The following PLEKHB2 variants were observed in gnomAD, a reference collection of about 807,000 sequenced individuals.
PLEKHB2 encodes pleckstrin homology domain-containing family B member 2.
PLEKHB2 carries 31 observed loss-of-function variants against 36.5 expected under a neutral mutation model. The observed-to-expected ratio is 0.85, with a 90% CI of 0.64 to 1.15. The LOEUF (loss-of-function observed/expected upper bound fraction) is 1.15. Among genes scored for constraint, PLEKHB2 ranks in the 50% most tolerant of loss-of-function variants. The pLI is 0.00. For synonymous variants in PLEKHB2, 119 were observed against 112.0 expected, an observed-to-expected ratio of 1.06 and a Z score of -0.39; for missense variants, 262 against 295.3, an observed-to-expected ratio of 0.89 and a Z score of 0.83.
In PLEKHB2 at chr2:131,130,769, C is replaced by G. The variant is rs368996623; in HGVS notation, c.333+9C>G. The G allele has an allele frequency of 1.2e-6, 2 of 1,603,094 alleles. No homozygotes were observed. The highest frequency in any genetic ancestry group is 1.7e-6 in the Non-Finnish European group (2 of 1,170,790). ...ATTCTAGGACAAACACAGTAAGTTG[C>G]TAATGGCAATCACCAATAATTTTTT... On this transcript the variant is annotated intron_variant, in intron 5 of 7. Coordinates refer to ENST00000693505, the MANE Select transcript of PLEKHB2 (RefSeq NM_001100623.2).
At chr2:131,116,693 CA>C (rs1695917398) in intron 1 of PLEKHB2, among the ~76,000 whole-genome samples, 1 of 152,154 alleles carries the variant, frequency 6.6e-6, no homozygotes, top group African/African-American at 2.4e-5. Flanking sequence ...ATTACAATTC[CA>C]CATGAGATTT....
intron 6 of PLEKHB2, 122 bp downstream of exon 6, chr2:131,133,113 T>A: frequency 1.5e-6 from 1 of 651,628 alleles, no homozygotes; most frequent in Non-Finnish European, 2.8e-6. Flanking sequence ...TTAAAACAGA[T>A]GATTTCTTAT....
intron 5 of PLEKHB2, among the ~76,000 whole-genome samples, chr2:131,132,450 G>A (rs577711759): frequency 6.6e-6 from 1 of 152,226 alleles, no homozygotes; most frequent in South Asian, 2.1e-4. Context: ...GGGGCCATAA[G>A]CACCATGCCC....
chr2:131,127,266 C>T (rs1166931576), intron 4 of PLEKHB2, among the ~76,000 whole-genome samples: 1 of 152,174 alleles, frequency 6.6e-6, no homozygotes, highest in Non-Finnish European at 1.5e-5. Context: ...AGGATCCTTT[C>T]TTGCCTCTTC....
At chr2:131,111,736 TCTC>T (rs1695355914) in intron 1 of PLEKHB2, among the ~76,000 whole-genome samples, 1 of 151,940 alleles carries the variant, frequency 6.6e-6, no homozygotes, top group Non-Finnish European at 1.5e-5. Context: ...AGTGATCTAC[TCTC>T]CTCGGCCTCC....
intron 1 of PLEKHB2, 70 bp from the exon 2 acceptor site, chr2:131,120,864 A>G (rs749160759): frequency 6.8e-7 from 1 of 1,474,428 alleles, no homozygotes; most frequent in South Asian, 1.1e-5. Flanking sequence ...GGATAAGGAT[A>G]GAGACTCGGG....
rs754827488 is a variant in PLEKHB2, at chr2:131,125,844, C to T, written c.129C>T (p.Ile43=). 13 of 1,613,348 alleles carry T rather than the reference C, an allele frequency of 8.1e-6. No homozygotes were observed. Among genetic ancestry groups the T allele is most frequent in the South Asian group, 4.4e-5 (4 of 91,054 alleles). ...IYYDDQTRQN[I]EDKVHMPMDC... is the part of the protein sequence containing the mutation. ...ATGATGACCAGACTCGGCAGAATAT[C>T]GAGGATAAGGTCCACATGCCAATGG... Residue 43 remains isoleucine (I), a synonymous_variant, in exon 3 of 8, where the codon ATC becomes ATT. Coordinates refer to ENST00000693505, the MANE Select transcript of PLEKHB2 (RefSeq NM_001100623.2).
In PLEKHB2 at chr2:131,136,985, C is replaced by T. The variant is rs774890226; in HGVS notation, c.424-3182C>T. On this transcript the variant is annotated intron_variant, in intron 6 of 7. Transcript: ENST00000693505. ...TTTTGAGACGGAGTCTCACTCTTGT[C>T]GCCCAGGCTGGAGTGCAGTGGCGTG... Among the ~76,000 whole-genome samples the T allele has an allele frequency of 7.6e-4, 107 of 140,716 alleles. 1 individual carries two copies. The highest frequency in any genetic ancestry group is 1.4e-3 in the Admixed American group (19 of 13,330). 92.3% of individuals were successfully genotyped at this position (140,716 alleles called of 152,430 possible).
intron 7 of PLEKHB2, among the ~76,000 whole-genome samples, chr2:131,141,946 TAA>T (rs1410162736): frequency 6.6e-6 from 1 of 152,208 alleles, no homozygotes; most frequent in Non-Finnish European, 1.5e-5. Context: ...TAAAGACAAG[TAA>T]AATAATTACC....
At chr2:131,127,707 A>G (rs1242109583) in intron 4 of PLEKHB2, among the ~76,000 whole-genome samples, 1 of 152,246 alleles carries the variant, frequency 6.6e-6, no homozygotes, top group African/African-American at 2.4e-5. Flanking sequence ...GAAATAGATG[A>G]TTCTACTGAG....
chr2:131,139,534 CTG>C (rs1698579071), intron 6 of PLEKHB2, among the ~76,000 whole-genome samples: 3 of 152,220 alleles, frequency 2.0e-5, no homozygotes, highest in African/African-American at 7.2e-5. Context: ...TCCTCTCAAC[CTG>C]TGAGTATGCA....
chr2:131,122,108 T>C (rs1696582964), intron 2 of PLEKHB2, among the ~76,000 whole-genome samples: 1 of 152,062 alleles, frequency 6.6e-6, no homozygotes, highest in Admixed American at 6.6e-5. Flanking sequence ...ATGTTGAGCC[T>C]GGTCTCGAAC....
Position 131,149,786 on chromosome 2 carries a change from A to G in PLEKHB2, c.*3013A>G, listed in dbSNP as rs1446013080. 6.6e-6 allele frequency: 1 copy of G among 152,194 alleles called. No homozygotes were observed. Among genetic ancestry groups the G allele is most frequent in the Non-Finnish European group, 1.5e-5 (1 of 68,036 alleles). 9.4% of individuals were successfully genotyped at this position (152,194 alleles called of 1,614,324 possible). A position where few individuals can be genotyped will look rare whatever the true frequency, so the allele number is the denominator to read the frequency against. On this transcript the variant is annotated 3_prime_UTR_variant, in exon 8 of 8. Coordinates refer to ENST00000693505, the MANE Select transcript of PLEKHB2 (RefSeq NM_001100623.2). ...CTAGAGAACTGATTTTTTCCTACAT[A>G]CGCAAATTGTACATTTGTAAGTGAA...
chr2:131,112,068 G>A (rs1265776657), intron 1 of PLEKHB2, among the ~76,000 whole-genome samples: 3 of 152,168 alleles, frequency 2.0e-5, no homozygotes, highest in African/African-American at 7.2e-5. Context: ...CAGGATGGGA[G>A]CTGGTCATCT....
rs775695387 is a variant in PLEKHB2, at chr2:131,125,903, G to A, written c.188G>A (p.Arg63Gln). The A allele has an allele frequency of 1.5e-5, 24 of 1,611,868 alleles. No individual in the cohort carries two copies. Among genetic ancestry groups the A allele is most frequent in the South Asian group, 1.4e-4 (13 of 90,756 alleles). The change falls in exon 3 of 8, where the codon CGG (arginine) becomes CAG (glutamine). Residue 63 changes from arginine to glutamine, a missense_variant and splice_region_variant. Coordinates refer to ENST00000693505, the MANE Select transcript of PLEKHB2 (RefSeq NM_001100623.2). ...CINIRTGQECRDTQPPDGKSK... is the reference protein window; with the variant it reads ...CINIRTGQECQDTQPPDGKSK... ...AACATCCGCACGGGGCAGGAATGTC[G>A]GGGTAAGCTGGCCTGTCTTGGCCAA...
At chr2:131,124,317 A>AT (rs1470747750) in intron 2 of PLEKHB2, among the ~76,000 whole-genome samples, 2 of 152,218 alleles carry the variant, frequency 1.3e-5, no homozygotes, top group African/African-American at 4.8e-5. Context: ...GCACGGCAAC[A>AT]TAAAGGGAAG....
In PLEKHB2 at chr2:131,140,262, G is replaced by C; in HGVS notation, c.519G>C (p.Gln173His). The change falls in exon 7 of 8, where the codon CAG becomes CAC. Residue 173 changes from glutamine to histidine, a missense_variant. Transcript: ENST00000693505. ...GGCAGGCGTATGCCGTGCCCTACCA[G>C]TACCCATATGCAGGTAACTCACGCC... is the stretch of plus-strand genomic sequence containing the variant. ...ANGQAYAVPY[Q>H]YPYAGLYGQQ... 6.3e-7 allele frequency: 1 copy of C among 1,594,926 alleles called. No individual in the cohort carries two copies. The highest frequency in any genetic ancestry group is 8.6e-7 in the Non-Finnish European group (1 of 1,163,130).
intron 7 of PLEKHB2, 26 bp from the exon 8 acceptor site, chr2:131,146,611 A>T: frequency 1.3e-6 from 2 of 1,595,874 alleles, no homozygotes; most frequent in Non-Finnish European, 8.5e-7. Flanking sequence ...GCTGCTCAGA[A>T]ATCTGCTATT....
At chr2:131,130,150 T>A (rs1202305333) in intron 4 of PLEKHB2, among the ~76,000 whole-genome samples, 1 of 151,992 alleles carries the variant, frequency 6.6e-6, no homozygotes, top group Non-Finnish European at 1.5e-5. Context: ...CGCAAGCTAT[T>A]CTCCCACCTC....
Sources: allele counts gnomAD v4.1 joint callset (sites outside exome capture counted in the v4.1 genomes callset), GRCh38; gene constraint gnomAD v4.1.1; transcripts MANE v1.5; gene names NCBI Gene and HGNC (gene_info 2026-07-23, HGNC 2026-07-21).